Variants in GID4 observed in about 807,000 individuals in gnomAD.
GID4 encodes glucose-induced degradation protein 4 homolog.
In GID4, 7 loss-of-function variants were observed where a neutral mutation model predicts 32.4. The ratio of observed to expected loss-of-function variants is 0.22; its 90% CI spans 0.12 to 0.41. The LOEUF (loss-of-function observed/expected upper bound fraction) is 0.41, where lower values mean the gene tolerates loss of function less well. Among genes scored for constraint, GID4 ranks in the 10% least tolerant of loss-of-function variants. The pLI, the probability that GID4 is intolerant of heterozygous loss-of-function variation, is 1.00. For synonymous variants in GID4, 166 were observed against 170.0 expected (o/e 0.98, Z 0.18); for missense variants, 309 against 400.0 (o/e 0.77, Z 1.94).
rs759946573 is a variant in GID4, at chr17:18,058,951, C to T, written c.690C>T (p.Tyr230=). ...ATGAAGAGCTGAAGAATGGAGACTA[C>T]GTCTTCATGAGGTGGAAGGTAAGTT... ...FDYEELKNGD[Y]VFMRWKEQFL... The change falls in exon 4 of 6, where the codon TAC becomes TAT. Residue 230 remains tyrosine, a synonymous_variant. Coordinates refer to ENST00000268719, the MANE Select transcript of GID4 (RefSeq NM_024052.5). 3.4e-5 allele frequency: 54 copies of T among 1,604,502 alleles called. No homozygotes were observed. The South Asian group carries it at 3.7e-4, about 11-fold the overall frequency.
chr17:18,057,825 C>T (rs924749165), intron 3 of GID4, among the ~76,000 whole-genome samples: 1 of 151,962 alleles, frequency 6.6e-6, no homozygotes, highest in Non-Finnish European at 1.5e-5. Flanking sequence ...TGCATCTGTA[C>T]TGATGATGTA....
chr17:18,045,289 C>A, intron 2 of GID4, 83 bp downstream of exon 2: 1 of 1,039,476 alleles, frequency 9.6e-7, no homozygotes, highest in Non-Finnish European at 1.5e-6. Context: ...CAGGCGGTCT[C>A]AACTCCTTGA....
chr17:18,049,641 CCTT>C (rs1343854837), intron 2 of GID4, among the ~76,000 whole-genome samples: 2 of 151,944 alleles, frequency 1.3e-5, no homozygotes, highest in East Asian at 3.9e-4. Context: ...TCTGTTCTTC[CCTT>C]CTTTTTTTTT....
chr17:18,059,570 G>A (rs1195782439), intron 4 of GID4, among the ~76,000 whole-genome samples: 7 of 152,080 alleles, frequency 4.6e-5, no homozygotes, highest in African/African-American at 1.4e-4. Context: ...TTTTAGCTGC[G>A]AGGTCATTTG....
Position 18,058,989 on chromosome 17 carries a change from C to G in GID4, c.708+20C>G. 7.0e-7 allele frequency: 1 copy of G among 1,434,740 alleles called. No individual in the cohort carries two copies. The highest frequency in any genetic ancestry group is 1.4e-5 in the African/African-American group (1 of 71,368). 88.9% of individuals were successfully genotyped at this position (1,434,740 alleles called of 1,614,324 possible). On this transcript the variant is annotated intron_variant, in intron 4 of 5. Coordinates refer to ENST00000268719, the MANE Select transcript of GID4 (RefSeq NM_024052.5). ...TGGAAGGTAAGTTCCCACCAGGTGG[C>G]CCTCCAGACTCCCAGCAAGCCAGGC... is the stretch of plus-strand genomic sequence containing the variant.
chr17:18,048,521 A>G (rs1472453678), intron 2 of GID4, among the ~76,000 whole-genome samples: 8 of 152,190 alleles, frequency 5.3e-5, no homozygotes, highest in Admixed American at 5.2e-4. Flanking sequence ...TAAGTCTAGT[A>G]TATGGTTGCC....
intron 4 of GID4, among the ~76,000 whole-genome samples, chr17:18,060,936 T>C (rs1366890755): frequency 6.6e-6 from 1 of 152,134 alleles, no homozygotes; most frequent in African/African-American, 2.4e-5. Flanking sequence ...GTTTTCGCCA[T>C]ATTGGCCAGG....
chr17:18,044,408 A>T (rs2044832740), intron 1 of GID4, among the ~76,000 whole-genome samples: 1 of 152,216 alleles, frequency 6.6e-6, no homozygotes, highest in East Asian at 1.9e-4. Flanking sequence ...GCAGTGTCTC[A>T]GCAACCAGTA....
chr17:18,043,540 A>G (rs1254700152), intron 1 of GID4, among the ~76,000 whole-genome samples: 1 of 152,216 alleles, frequency 6.6e-6, no homozygotes, highest in Non-Finnish European at 1.5e-5. Flanking sequence ...TGTTTTAGAT[A>G]ATGTCCAGTG....
At chr17:18,063,346 G>A (rs780770861) in intron 5 of GID4, among the ~76,000 whole-genome samples, 3 of 150,484 alleles carry the variant, frequency 2.0e-5, no homozygotes, top group Non-Finnish European at 3.0e-5. Flanking sequence ...GGAGGCGGAG[G>A]TTGCGGTGGG....
At chr17:18,053,009 C>CCT (rs555352531) in intron 2 of GID4, among the ~76,000 whole-genome samples, 1 of 83,276 alleles carries the variant, frequency 1.2e-5, no homozygotes, top group East Asian at 3.9e-4. Flanking sequence ...AAAGTATTTA[C>CCT]TTTTTTTTTT....
At chr17:18,062,120 G>C (rs768168382) in intron 5 of GID4, 145 bp downstream of exon 5, 1 of 740,084 alleles carries the variant, frequency 1.4e-6, no homozygotes, top group Non-Finnish European at 2.3e-6. Flanking sequence ...TTATTTCAGT[G>C]ATCTCAGTTG....
At chr17:18,054,761 C>T (rs1272962286) in intron 3 of GID4, among the ~76,000 whole-genome samples, 1 of 152,156 alleles carries the variant, frequency 6.6e-6, no homozygotes, top group African/African-American at 2.4e-5. Context: ...AATCCTGCTG[C>T]CCCCCTTTTT....
At position 18,061,966 on chromosome 17, in the gene GID4, G is replaced by A; in HGVS notation, c.830G>A (p.Ser277Asn). ...ATAGAGGGCTACTACTACCATAGGA[G>A]TTCAGAATGGTGAGGACCTCTGAGG... ...ASIEGYYYHRSSEWYQSLNLT... is the reference protein window; with the variant it reads ...ASIEGYYYHRNSEWYQSLNLT... Residue 277 changes from serine to asparagine, a missense_variant, in exon 5 of 6, where the codon AGT becomes AAT. Ser to Asn is a conservative substitution (Grantham distance 46). Transcript: ENST00000268719. The surrounding 1 kb of genome is among the most constrained non-coding windows in gnomAD (Gnocchi z 4.4). The A allele has an allele frequency of 6.2e-7, 1 of 1,613,578 alleles. No homozygotes were observed. Among genetic ancestry groups the A allele is most frequent in the Non-Finnish European group, 8.5e-7 (1 of 1,179,998 alleles).
intron 4 of GID4, among the ~76,000 whole-genome samples, chr17:18,060,372 T>C (rs1219681022): frequency 8.3e-6 from 1 of 120,310 alleles, no homozygotes; most frequent in African/African-American, 3.3e-5. Context: ...CACTCCAGGC[T>C]GGGTGACAGA....
At chr17:18,063,178 G>A (rs530803292) in intron 5 of GID4, among the ~76,000 whole-genome samples, 2 of 150,786 alleles carry the variant, frequency 1.3e-5, no homozygotes, top group East Asian at 3.9e-4. Context: ...TTGGGAGGCC[G>A]AGGTGGGCAG....
chr17:18,057,189 T>C (rs1249485632), intron 3 of GID4: 3 of 898,186 alleles, frequency 3.3e-6, no homozygotes, highest in Non-Finnish European at 4.9e-6. Flanking sequence ...GCCAGCACTT[T>C]GGGAGGCCGA....
chr17:18,066,902 C>T lies in GID4; in HGVS notation c.*1659C>T, dbSNP rs1470942042. The T allele has an allele frequency of 1.3e-5, 2 of 152,174 alleles. No individual in the cohort carries two copies. The highest frequency in any genetic ancestry group is 6.5e-5 in the Admixed American group (1 of 15,280). The allele number at this position is 152,174 out of a possible 1,614,324, so 9.4% of individuals were successfully genotyped here. A position where few individuals can be genotyped will look rare whatever the true frequency, so the allele number is the denominator to read the frequency against. ...AAATCTGTTATCCCAGGACTGTGTA[C>T]AGAGGGGCAACCTACCCATTCAGGA... On this transcript the variant is annotated 3_prime_UTR_variant, in exon 6 of 6. Coordinates refer to ENST00000268719, the MANE Select transcript of GID4 (RefSeq NM_024052.5).
At chr17:18,060,176 G>A (rs1009831083) in intron 4 of GID4, among the ~76,000 whole-genome samples, 1 of 151,334 alleles carries the variant, frequency 6.6e-6, no homozygotes, top group East Asian at 1.9e-4. Flanking sequence ...AAGAGAGCCA[G>A]ATCACGAGGT....
Sources: gnomAD v4.1 joint callset for allele counts (sites outside exome capture counted in the v4.1 genomes callset) on GRCh38, gnomAD v4.1.1 for gene constraint, Gnocchi (gnomAD v3.1) non-coding constraint, MANE v1.5 for transcripts, NCBI Gene and HGNC (gene_info 2026-07-23, HGNC 2026-07-21) for gene names.